WWC2: variants seen among roughly 807,000 people sequenced by gnomAD.
WWC2 encodes the protein WW and C2 domain containing 2.
WWC2 carries 101 observed loss-of-function variants against 138.5 expected under a neutral mutation model. That is an observed-to-expected ratio of 0.73 (90% CI 0.62 to 0.86). The LOEUF is 0.86. Ranked by LOEUF, WWC2 falls within the 40% of genes least tolerant of loss-of-function variation. The pLI is 0.00. For synonymous variants in WWC2, 558 were observed against 538.4 expected (o/e 1.04, Z -0.50); for missense variants, 1,420 against 1,419.4 (o/e 1.00, Z -0.01).
intron 6 of WWC2, among the ~76,000 whole-genome samples, chr4:183,246,585 T>C (rs1160025873): frequency 6.6e-6 from 1 of 152,190 alleles, no homozygotes; most frequent in Non-Finnish European, 1.5e-5. Flanking sequence ...CTAACTGCCT[T>C]GCATATAAAT....
chr4:183,121,652 C>T (rs1209719081), intron 1 of WWC2, among the ~76,000 whole-genome samples: 1 of 152,036 alleles, frequency 6.6e-6, no homozygotes, highest in East Asian at 1.9e-4. Context: ...GTTCCCCACA[C>T]CTTTGTCAAA....
intron 1 of WWC2, among the ~76,000 whole-genome samples, chr4:183,123,881 T>G (rs1732679024): frequency 6.6e-6 from 1 of 152,142 alleles, no homozygotes; most frequent in African/African-American, 2.4e-5. Context: ...TTTACGTGAA[T>G]ATTTGTGAGA....
chr4:183,124,534 C>A (rs1247444704), intron 1 of WWC2, among the ~76,000 whole-genome samples: 1 of 140,922 alleles, frequency 7.1e-6, no homozygotes, highest in African/African-American at 2.7e-5. Flanking sequence ...TTTCCTTTTT[C>A]TCTTTTTTTT....
intron 4 of WWC2, among the ~76,000 whole-genome samples, chr4:183,209,407 T>C (rs1196604707): frequency 6.6e-6 from 1 of 152,164 alleles, no homozygotes; most frequent in Admixed American, 6.5e-5. Context: ...TTAGTATTTT[T>C]AGTAGAGATG....
intron 1 of WWC2, among the ~76,000 whole-genome samples, chr4:183,105,759 G>A (rs920793753): frequency 1.2e-4 from 19 of 152,076 alleles, no homozygotes; most frequent in Admixed American, 2.6e-4. Context: ...GCGTGGTGGC[G>A]GGTGCCTGTA....
rs551789839 is a variant in WWC2, at chr4:183,168,552, G to A, written c.132-25047G>A. Reference sequence around the variant, plus strand: ...TAGATGCTGTGGTTTCTTGTGCAGCGGGTATTTACCTTTCCTATAGAGCTT... The same window carrying A: ...TAGATGCTGTGGTTTCTTGTGCAGCAGGTATTTACCTTTCCTATAGAGCTT... On this transcript the variant is annotated intron_variant, in intron 1 of 22. Transcript: ENST00000403733. Among the ~76,000 whole-genome samples the A allele has an allele frequency of 5.9e-4, 90 of 152,154 alleles. 1 individual carries two copies. In the Middle Eastern group the frequency reaches 0.027, roughly 46 times the overall value.
intron 16 of WWC2, among the ~76,000 whole-genome samples, chr4:183,279,776 A>G (rs548122122): frequency 6.6e-6 from 1 of 152,172 alleles, no homozygotes; most frequent in African/African-American, 2.4e-5. Context: ...AGGTGTTTGT[A>G]GTATTCTCTG....
Position 183,287,181 on chromosome 4 carries a change from C to T in WWC2, c.3141+1122C>T, listed in dbSNP as rs555349073. ...AGATGCCTGGCCAGGCAGCAGTGGG[C>T]GCCCCTGGTTTAACTTCCTTGTTAC... is the stretch of plus-strand genomic sequence containing the variant. On this transcript the variant is annotated intron_variant, in intron 20 of 22. Coordinates refer to ENST00000403733, the MANE Select transcript of WWC2 (RefSeq NM_024949.6). 1.5e-3 allele frequency among the ~76,000 whole-genome samples: 228 copies of T among 152,164 alleles called. 2 individuals are homozygous for T. The highest frequency in any genetic ancestry group is 3.1e-3 in the Admixed American group (48 of 15,288).
chr4:183,228,414 C>T (rs1028332139), intron 4 of WWC2, among the ~76,000 whole-genome samples: 1 of 151,904 alleles, frequency 6.6e-6, no homozygotes, highest in Non-Finnish European at 1.5e-5. Flanking sequence ...GGTTGACAAG[C>T]TTTATTTAAT....
intron 4 of WWC2, among the ~76,000 whole-genome samples, chr4:183,222,336 ATATG>A (rs1735957898): frequency 6.6e-6 from 1 of 151,978 alleles, no homozygotes; most frequent in Admixed American, 6.6e-5. Flanking sequence ...AATAGAATCT[ATATG>A]TATTTTATAT....
At chr4:183,258,973 A>T (rs1410771219) in intron 9 of WWC2, among the ~76,000 whole-genome samples, 2 of 152,194 alleles carry the variant, frequency 1.3e-5, no homozygotes, top group African/African-American at 2.4e-5. Flanking sequence ...ACTCTTAAAA[A>T]AAAGAAAAAC....
At chr4:183,312,274 T>C in intron 21 of WWC2, 67 bp from the exon 22 acceptor site, 1 of 1,583,052 alleles carries the variant, frequency 6.3e-7, no homozygotes, top group Non-Finnish European at 8.6e-7. Flanking sequence ...TGAAGCTTCA[T>C]AGGATGTCTC....
At chr4:183,247,570 T>TATATATA (rs1391867345) in intron 6 of WWC2, among the ~76,000 whole-genome samples, 16 of 141,754 alleles carry the variant, frequency 1.1e-4, no homozygotes, top group African/African-American at 4.2e-4. Context: ...CTATATATGC[T>TATATATA]CTATATACTA....
chr4:183,113,688 G>A (rs2152888238), intron 1 of WWC2, among the ~76,000 whole-genome samples: 1 of 151,912 alleles, frequency 6.6e-6, no homozygotes, highest in African/African-American at 2.4e-5. Context: ...GTGAGCCACT[G>A]TGCCTGGCCT....
Position 183,249,979 on chromosome 4 carries a change from A to G in WWC2, c.939A>G (p.Glu313=), listed in dbSNP as rs112982959. 152 of 1,613,724 alleles carry G rather than the reference A, an allele frequency of 9.4e-5. No homozygotes were observed. The African/African-American group carries it at 1.8e-3, about 19-fold the overall frequency. The change falls in exon 8 of 23, where the codon GAA becomes GAG. Residue 313 remains glutamate (E), a synonymous_variant. Transcript: ENST00000403733. ...AEKVRLSLQY[E]EAKRSMANLK... is the part of the protein sequence containing the mutation. The stretch of plus-strand genomic sequence containing the variant: ...AGGTCAGGCTAAGCCTACAGTATGA[A>G]GAAGCCAAAAGAAGGTAATGACAGA...
chr4:183,202,266 C>CT (rs1218921137), intron 2 of WWC2, among the ~76,000 whole-genome samples: 3 of 151,920 alleles, frequency 2.0e-5, no homozygotes, highest in Admixed American at 6.6e-5. Context: ...GGGATATGGG[C>CT]TTTTGGACTG....
At chr4:183,210,838 G>T (rs901050311) in intron 4 of WWC2, among the ~76,000 whole-genome samples, 2 of 152,130 alleles carry the variant, frequency 1.3e-5, no homozygotes, top group East Asian at 1.9e-4. Flanking sequence ...TGGTATTTGT[G>T]TCTAAACTTA....
intron 4 of WWC2, among the ~76,000 whole-genome samples, chr4:183,215,366 G>C: frequency 6.6e-6 from 1 of 152,098 alleles, no homozygotes; most frequent in East Asian, 1.9e-4. Flanking sequence ...ATTATAGTTA[G>C]TGTTGGGTTA....
intron 1 of WWC2, among the ~76,000 whole-genome samples, chr4:183,118,054 T>A (rs1732477195): frequency 1.3e-5 from 2 of 152,200 alleles, no homozygotes; most frequent in South Asian, 4.1e-4. Flanking sequence ...CACCTTGGCC[T>A]CCCAAAGTGC....
Sources: gnomAD v4.1 joint callset for allele counts (sites outside exome capture counted in the v4.1 genomes callset) on GRCh38, gnomAD v4.1.1 for gene constraint, MANE v1.5 for transcripts, NCBI Gene and HGNC (gene_info 2026-07-23, HGNC 2026-07-21) for gene names.